The following DLG1 variants were observed in gnomAD, a reference collection of about 807,000 sequenced individuals.
The protein encoded by DLG1 is disks large homolog 1.
DLG1 carries 42 observed loss-of-function variants against 123.4 expected under a neutral mutation model. The observed-to-expected ratio is 0.34, with a 90% confidence interval of 0.27 to 0.44. The LOEUF is 0.44. Among genes scored for constraint, DLG1 ranks in the 20% least tolerant of loss-of-function variants. The pLI is 1.00. For synonymous variants in DLG1, 317 were observed against 356.2 expected (o/e 0.89, Z 1.24); for missense variants, 942 against 1,082.6 (o/e 0.87, Z 1.82).
At chr3:197,177,501 A>G (rs1577566626) in intron 5 of DLG1, among the ~76,000 whole-genome samples, 1 of 152,130 alleles carries the variant, frequency 6.6e-6, no homozygotes, top group East Asian at 1.9e-4. Flanking sequence ...ATCATTACAC[A>G]TGAGACAAAA....
upstream of DLG1, chr3:197,299,162 C>G (rs1222338465): frequency 6.6e-6 from 1 of 152,260 alleles, no homozygotes; most frequent in South Asian, 2.1e-4. Context: ...CTGAGCCACC[C>G]AGGTTATAGA....
intron 14 of DLG1, among the ~76,000 whole-genome samples, chr3:197,096,950 T>A (rs1157649061): frequency 2.0e-5 from 3 of 152,294 alleles, no homozygotes; most frequent in South Asian, 4.1e-4. Context: ...TACATAGGAG[T>A]TACGAGTCAA....
chr3:197,182,911 GA>G (rs1204168049), intron 5 of DLG1, among the ~76,000 whole-genome samples: 2 of 151,836 alleles, frequency 1.3e-5, no homozygotes, highest in Non-Finnish European at 2.9e-5. Flanking sequence ...AATTTTGAGA[GA>G]CTTTTAGTAT....
intron 4 of DLG1, among the ~76,000 whole-genome samples, chr3:197,245,901 G>GT (rs1561659882): frequency 1.9e-5 from 1 of 53,480 alleles, no homozygotes; most frequent in East Asian, 4.0e-4. Context: ...TTTTTTTTTT[G>GT]GGGGGGGGGG....
At chr3:197,208,065 C>G (rs1338834439) in intron 4 of DLG1, among the ~76,000 whole-genome samples, 1 of 145,444 alleles carries the variant, frequency 6.9e-6, no homozygotes, top group Non-Finnish European at 1.5e-5. Context: ...ACAAAACCCT[C>G]CAGCCCTCTC....
At chr3:197,264,476 T>A (rs1450037688) in intron 4 of DLG1, among the ~76,000 whole-genome samples, 1 of 152,082 alleles carries the variant, frequency 6.6e-6, no homozygotes, top group African/African-American at 2.4e-5. Flanking sequence ...CAGGCTGGAG[T>A]CCAATGGCAC....
chr3:197,246,367 T>G (rs982402195), intron 4 of DLG1, among the ~76,000 whole-genome samples: 72 of 152,188 alleles, frequency 4.7e-4, no homozygotes, highest in African/African-American at 1.7e-3. Context: ...ACCTGGTGTG[T>G]TGAGTGAACT....
intron 11 of DLG1, among the ~76,000 whole-genome samples, chr3:197,127,457 AATATATATATATATATATATAT>A (rs1553936527): frequency 1.4e-3 from 30 of 20,832 alleles, no homozygotes; most frequent in Admixed American, 9.3e-3. Flanking sequence ...AAAAAAAAAA[AATATATATATATATATATATAT>A]ATATATATAT....
intron 15 of DLG1, among the ~76,000 whole-genome samples, chr3:197,087,589 GACAATAAAATACGAAAAAT>G (rs1178586329): frequency 1.3e-5 from 2 of 152,118 alleles, no homozygotes; most frequent in African/African-American, 4.8e-5. Context: ...TCATTAAAAT[GACAATAAAATACGAAAAAT>G]ACAAAAGAGA....
chr3:197,161,902 G>T (rs1025477102), intron 5 of DLG1, among the ~76,000 whole-genome samples: 1 of 152,124 alleles, frequency 6.6e-6, no homozygotes, highest in Admixed American at 6.5e-5. Context: ...ATATTCTCTA[G>T]AAATTGTTTT....
At chr3:197,083,532 A>C (rs1161424869) in intron 16 of DLG1, among the ~76,000 whole-genome samples, 1 of 152,230 alleles carries the variant, frequency 6.6e-6, no homozygotes, top group Non-Finnish European at 1.5e-5. Context: ...CCTTCCCCAC[A>C]AAAGCAGAGA....
intron 5 of DLG1, among the ~76,000 whole-genome samples, chr3:197,191,359 AT>A: frequency 6.6e-6 from 1 of 152,310 alleles, no homozygotes; most frequent in East Asian, 1.9e-4. Context: ...TAGAATGAGC[AT>A]TTTAGGCAAC....
chr3:197,103,872 T>C (rs1185177452), intron 14 of DLG1, among the ~76,000 whole-genome samples: 1 of 152,070 alleles, frequency 6.6e-6, no homozygotes, highest in Non-Finnish European at 1.5e-5. Flanking sequence ...CATCAACAAA[T>C]ATGCTATGTA....
Position 197,185,456 on chromosome 3 carries a change from C to CT in DLG1, c.483+8968dup, listed in dbSNP as rs1715349331. ...GATTATACCAGAAAGTTTGGTGCTT[C>CT]TTCCCAAGGACTGTGCCGGCAGTAG... On this transcript the variant is annotated intron_variant, in intron 5 of 24. Transcript: ENST00000667157. Among the ~76,000 whole-genome samples, 3 of 152,190 alleles carry CT rather than the reference C, an allele frequency of 2.0e-5. No individual in the cohort carries two copies. The South Asian group carries it at 6.2e-4, about 32-fold the overall frequency.
At chr3:197,128,995 A>G (rs1781182072) in intron 11 of DLG1, among the ~76,000 whole-genome samples, 1 of 152,226 alleles carries the variant, frequency 6.6e-6, no homozygotes, top group Admixed American at 6.5e-5. Context: ...AGACAGGCTT[A>G]GCATAATTCC....
intron 5 of DLG1, among the ~76,000 whole-genome samples, chr3:197,189,505 T>C (rs1300109223): frequency 1.3e-5 from 2 of 152,138 alleles, no homozygotes; most frequent in Non-Finnish European, 2.9e-5. Flanking sequence ...TCTACTCAGT[T>C]TGCAAATATG....
intron 11 of DLG1, among the ~76,000 whole-genome samples, chr3:197,125,019 C>T (rs1270410520): frequency 6.6e-6 from 1 of 152,224 alleles, no homozygotes; most frequent in South Asian, 2.1e-4. Context: ...AAATGGAAGA[C>T]CTGGTTTTCA....
At chr3:197,067,013 T>C (rs1740085707) in intron 19 of DLG1, among the ~76,000 whole-genome samples, 1 of 152,090 alleles carries the variant, frequency 6.6e-6, no homozygotes, top group Non-Finnish European at 1.5e-5. Flanking sequence ...AATCTAAAAA[T>C]CTTCATTTGT....
intron 4 of DLG1, among the ~76,000 whole-genome samples, chr3:197,220,872 T>C (rs1220765179): frequency 1.3e-5 from 2 of 152,220 alleles, no homozygotes. Context: ...CATTTCATCT[T>C]AGAAGAAGGA....
Sources: gnomAD v4.1 joint callset for allele counts (sites outside exome capture counted in the v4.1 genomes callset) on GRCh38, gnomAD v4.1.1 for gene constraint, MANE v1.5 for transcripts, NCBI Gene and HGNC (gene_info 2026-07-23, HGNC 2026-07-21) for gene names.